SLC12A6: variants seen among roughly 807,000 people sequenced by gnomAD.
SLC12A6 encodes the protein solute carrier family 12 member 6.
In SLC12A6, 66 loss-of-function variants were observed where a neutral mutation model predicts 135.3. That is an observed-to-expected ratio of 0.49 (90% CI 0.40 to 0.60). The LOEUF is 0.60. Ranked by LOEUF, SLC12A6 falls within the 20% of genes least tolerant of loss-of-function variation. SLC12A6 has a pLI of 0.00. For missense variants in SLC12A6, 1,058 were observed against 1,452.3 expected (o/e 0.73, Z 4.41); for synonymous variants, 513 against 508.8 (o/e 1.01, Z -0.11).
chr15:34,255,614 G>A (rs1288474522), intron 7 of SLC12A6, among the ~76,000 whole-genome samples: 1 of 152,150 alleles, frequency 6.6e-6, no homozygotes, highest in African/African-American at 2.4e-5. Context: ...TGAAGCAATA[G>A]TTTGCCAGCA....
chr15:34,318,321 T>C (rs1284137530), intron 2 of SLC12A6, among the ~76,000 whole-genome samples: 1 of 152,252 alleles, frequency 6.6e-6, no homozygotes, highest in African/African-American at 2.4e-5. Context: ...ACATTGCCAC[T>C]GATTCAGTTT....
intron 2 of SLC12A6, among the ~76,000 whole-genome samples, chr15:34,313,998 G>A (rs981115353): frequency 2.1e-4 from 31 of 150,392 alleles, no homozygotes; most frequent in African/African-American, 7.3e-4. Flanking sequence ...TATGCTCAGC[G>A]GAACAACAAA....
intron 2 of SLC12A6, among the ~76,000 whole-genome samples, chr15:34,313,676 C>T (rs1245747913): frequency 1.3e-5 from 2 of 152,040 alleles, no homozygotes; most frequent in Non-Finnish European, 2.9e-5. Flanking sequence ...CATCTAGGAC[C>T]TTCATAGCTA....
chr15:34,243,883 T>A, intron 16 of SLC12A6, 91 bp downstream of exon 16: 1 of 829,578 alleles, frequency 1.2e-6, no homozygotes, highest in Admixed American at 1.8e-5. Context: ...AAGAAAAAAA[T>A]TTTATCGAGA....
intron 3 of SLC12A6, among the ~76,000 whole-genome samples, chr15:34,273,449 C>A (rs2140879064): frequency 6.6e-6 from 1 of 152,290 alleles, no homozygotes; most frequent in South Asian, 2.1e-4. Flanking sequence ...ATTTACTTAA[C>A]AAATATATAC....
chr15:34,234,085 T>A, intron 25 of SLC12A6, 113 bp from the exon 26 acceptor site: 1 of 715,642 alleles, frequency 1.4e-6, no homozygotes, highest in Non-Finnish European at 2.6e-6. Flanking sequence ...GCTTAATTAT[T>A]ATATATTCAG....
In SLC12A6 at chr15:34,232,395, T is replaced by A. The variant is rs1263076201; in HGVS notation, c.*1486A>T. 1.3e-5 allele frequency: 2 copies of A among 152,106 alleles called. No individual in the cohort carries two copies. The highest frequency in any genetic ancestry group is 6.5e-5 in the Admixed American group (1 of 15,268). 9.4% of individuals were successfully genotyped at this position (152,106 alleles called of 1,614,324 possible). On this transcript the variant is annotated 3_prime_UTR_variant, in exon 26 of 26. Coordinates refer to ENST00000354181, the MANE Select transcript of SLC12A6 (RefSeq NM_001365088.1). ...GGCATGCACCACCATGCCCAGCTAA[T>A]TTTTGTATTTTTAGTATAGACAGGT...
intron 2 of SLC12A6, among the ~76,000 whole-genome samples, chr15:34,327,472 A>C (rs1889547198): frequency 6.6e-6 from 1 of 152,076 alleles, no homozygotes; most frequent in African/African-American, 2.4e-5. Flanking sequence ...CGAGACCTAA[A>C]CATGGTAAAA....
intron 3 of SLC12A6, among the ~76,000 whole-genome samples, chr15:34,264,330 C>G (rs2140810039): frequency 6.6e-6 from 1 of 152,266 alleles, no homozygotes; most frequent in African/African-American, 2.4e-5. Flanking sequence ...ATACACTGTA[C>G]AAGCTATGAT....
At chr15:34,246,900 C>T (rs1359105666) in intron 13 of SLC12A6, among the ~76,000 whole-genome samples, 4 of 152,210 alleles carry the variant, frequency 2.6e-5, no homozygotes, top group African/African-American at 7.2e-5. Context: ...ATCTTCCCCT[C>T]TTGGCCTCCC....
intron 3 of SLC12A6, among the ~76,000 whole-genome samples, chr15:34,265,786 A>C (rs1566825122): frequency 6.6e-6 from 1 of 152,200 alleles, no homozygotes; most frequent in Non-Finnish European, 1.5e-5. Context: ...AGGCAGAGGG[A>C]ACACAGCAAT....
intron 6 of SLC12A6, 185 bp downstream of exon 6, chr15:34,257,457 G>C: frequency 1.7e-6 from 1 of 600,506 alleles, no homozygotes; most frequent in South Asian, 1.9e-5. Flanking sequence ...TAGATAGCAA[G>C]CAGTGACTAA....
chr15:34,256,081 A>T, intron 7 of SLC12A6, 148 bp downstream of exon 7: 1 of 686,242 alleles, frequency 1.5e-6, no homozygotes, highest in Non-Finnish European at 2.7e-6. Context: ...AAGTAGTATT[A>T]TGTCTACGTC....
At chr15:34,313,614 AAAC>A (rs1361523282) in intron 2 of SLC12A6, among the ~76,000 whole-genome samples, 4 of 152,234 alleles carry the variant, frequency 2.6e-5, no homozygotes, top group African/African-American at 9.7e-5. Context: ...TGGCTTCATT[AAAC>A]AACACACTTT....
At chr15:34,256,089 G>A (rs1426574583) in intron 7 of SLC12A6, 140 bp downstream of exon 7, 9 of 704,758 alleles carry the variant, frequency 1.3e-5, no homozygotes, top group Admixed American at 8.0e-5. Flanking sequence ...TTATGTCTAC[G>A]TCCTATAGAC....
chr15:34,261,259 A>C (rs1240972234), intron 3 of SLC12A6, among the ~76,000 whole-genome samples: 2 of 152,170 alleles, frequency 1.3e-5, no homozygotes, highest in Non-Finnish European at 1.5e-5. Context: ...ACAATAATCA[A>C]GACCCCTAGA....
At position 34,237,528 on chromosome 15, in the gene SLC12A6, C is replaced by T. The variant is rs766393158; in HGVS notation, c.2825G>A (p.Arg942Gln). The change falls in exon 22 of 26, where the codon CGG becomes CAG. Residue 942 changes from arginine to glutamine, a missense_variant. Around this residue, in one of 6 missense-constraint regions of SLC12A6, gnomAD observed 245 missense variants for 440.8 expected, o/e 0.56. Transcript: ENST00000354181. The part of the protein sequence containing the change: ...QHKVWRKCSI[R>Q]IFTVAQLEDN... ...TTCTAATTGGGCTACTGTGAAGATC[C>T]GTATGCTGCACTTTCGCCACACCTG... 5.0e-6 allele frequency: 8 copies of T among 1,612,218 alleles called. No individual in the cohort carries two copies. Among genetic ancestry groups the T allele is most frequent in the Non-Finnish European group, 8.5e-7 (1 of 1,178,766 alleles).
In SLC12A6 at chr15:34,260,963, C is replaced by A. The variant is rs759907642; in HGVS notation, c.374G>T (p.Gly125Val). ...CAAATTTTTATCAAAATATTCATCT[C>A]CTTCTTCATAATTGGAATTATTGAG... ...AYLNNSNYEEGDEYFDKNLAL... is the reference protein window; with the variant it reads ...AYLNNSNYEEVDEYFDKNLAL... Residue 125 changes from glycine to valine, a missense_variant, in exon 4 of 26, where the codon GGA becomes GTA. By Grantham distance (109) the Gly-to-Val change is moderately radical (BLOSUM62 -3). Coordinates refer to ENST00000354181, the MANE Select transcript of SLC12A6 (RefSeq NM_001365088.1). The A allele has an allele frequency of 9.0e-6, 14 of 1,563,746 alleles. No individual in the cohort carries two copies. In the Middle Eastern group the frequency reaches 1.5e-3, roughly 168 times the overall value.
intron 5 of SLC12A6, among the ~76,000 whole-genome samples, chr15:34,258,151 G>T (rs1892880606): frequency 6.6e-6 from 1 of 152,172 alleles, no homozygotes; most frequent in Non-Finnish European, 1.5e-5. Flanking sequence ...AATTTCTTCA[G>T]AATTTGGCAT....
Sources: gnomAD v4.1 joint callset for allele counts (sites outside exome capture counted in the v4.1 genomes callset) on GRCh38, gnomAD v4.1.1 for gene constraint, gnomAD v4.1.1 regional missense constraint, MANE v1.5 for transcripts, NCBI Gene and HGNC (gene_info 2026-07-23, HGNC 2026-07-21) for gene names.